PPFIA2: variants seen among roughly 807,000 people sequenced by gnomAD.
PPFIA2 encodes liprin-alpha-2.
A neutral mutation model predicts 175.5 loss-of-function variants in PPFIA2; 46 were observed. The ratio of observed to expected loss-of-function variants is 0.26; its 90% CI spans 0.21 to 0.34. PPFIA2 has a LOEUF of 0.34. Among genes scored for constraint, PPFIA2 ranks in the 10% least tolerant of loss-of-function variants. The pLI is 1.00. For synonymous variants in PPFIA2, 568 were observed against 511.4 expected, an observed-to-expected ratio of 1.11 and a Z score of -1.49; for missense variants, 1,179 against 1,506.1, an observed-to-expected ratio of 0.78 and a Z score of 3.60.
chr12:81,425,854 A>T (rs148045761), intron 7 of PPFIA2, among the ~76,000 whole-genome samples: 1 of 152,184 alleles, frequency 6.6e-6, no homozygotes, highest in Non-Finnish European at 1.5e-5. Flanking sequence ...TCAACATGTT[A>T]TTAATTCATA....
intron 4 of PPFIA2, among the ~76,000 whole-genome samples, chr12:81,498,831 G>A (rs1311589585): frequency 6.6e-6 from 1 of 152,032 alleles, no homozygotes; most frequent in Non-Finnish European, 1.5e-5. Flanking sequence ...CACTATGTTG[G>A]CCAGGCTAGT....
intron 21 of PPFIA2, among the ~76,000 whole-genome samples, chr12:81,335,748 AACAAC>A (rs1260457475): frequency 2.1e-5 from 2 of 94,282 alleles, no homozygotes; most frequent in African/African-American, 1.6e-4. Flanking sequence ...GTCTAAAAAC[AACAAC>A]AACAACAACA....
chr12:81,657,195 G>T (rs1002495437), intron 4 of PPFIA2, among the ~76,000 whole-genome samples: 1 of 152,172 alleles, frequency 6.6e-6, no homozygotes, highest in African/African-American at 2.4e-5. Context: ...CCCTGGGAAG[G>T]TTAATGCTGC....
At chr12:81,364,066 G>A (rs144984445) in intron 14 of PPFIA2, among the ~76,000 whole-genome samples, 71 of 151,886 alleles carry the variant, frequency 4.7e-4, no homozygotes, top group African/African-American at 1.6e-3. Context: ...AGTCATGGAA[G>A]GGTTTTTCAA....
intron 3 of PPFIA2, among the ~76,000 whole-genome samples, chr12:81,680,959 C>A (rs1411787680): frequency 2.6e-5 from 4 of 151,920 alleles, no homozygotes; most frequent in Non-Finnish European, 5.9e-5. Context: ...AATTTTGTGC[C>A]CTAAGCACCT....
At chr12:81,300,521 A>G (rs1179996558) in intron 22 of PPFIA2, among the ~76,000 whole-genome samples, 1 of 152,200 alleles carries the variant, frequency 6.6e-6, no homozygotes, top group Non-Finnish European at 1.5e-5. Flanking sequence ...TAATAGATGC[A>G]ACCAAAAATT....
chr12:81,753,855 AC>A, intron 3 of PPFIA2, 117 bp downstream of exon 3: 2 of 1,299,366 alleles, frequency 1.5e-6, no homozygotes, highest in South Asian at 3.0e-5. Flanking sequence ...AGTTGTTCTC[AC>A]CAAAACGTGT....
chr12:81,660,851 G>A (rs1051881965), intron 4 of PPFIA2, among the ~76,000 whole-genome samples: 1 of 152,112 alleles, frequency 6.6e-6, no homozygotes, highest in Non-Finnish European at 1.5e-5. Flanking sequence ...TGGATCTCTC[G>A]GCAGAAACTC....
chr12:81,420,137 C>T (rs899474881), intron 7 of PPFIA2, among the ~76,000 whole-genome samples: 17 of 152,140 alleles, frequency 1.1e-4, no homozygotes, highest in Admixed American at 1.0e-3. Flanking sequence ...AGAGAAGAAG[C>T]TACCATACCC....
intron 4 of PPFIA2, among the ~76,000 whole-genome samples, chr12:81,558,197 T>C (rs1218892150): frequency 1.3e-5 from 2 of 152,268 alleles, no homozygotes; most frequent in East Asian, 1.9e-4. Flanking sequence ...TTCTGCCTAG[T>C]GTATAAATAA....
chr12:81,603,471 A>T (rs191178715), intron 4 of PPFIA2, among the ~76,000 whole-genome samples: 1 of 151,638 alleles, frequency 6.6e-6, no homozygotes, highest in Non-Finnish European at 1.5e-5. Context: ...ACACAAAAGT[A>T]TGTTTACATT....
chr12:81,634,107 AAG>A (rs1010292523), intron 4 of PPFIA2, among the ~76,000 whole-genome samples: 2 of 152,134 alleles, frequency 1.3e-5, no homozygotes, highest in African/African-American at 4.8e-5. Flanking sequence ...AGATCCAAAT[AAG>A]AGAACTTCTT....
intron 4 of PPFIA2, among the ~76,000 whole-genome samples, chr12:81,517,794 C>T (rs746480565): frequency 6.6e-5 from 10 of 152,128 alleles, no homozygotes; most frequent in African/African-American, 1.2e-4. Flanking sequence ...GATGCAGCCT[C>T]GACTTTAGGA....
chr12:81,740,190 G>C, intron 3 of PPFIA2, among the ~76,000 whole-genome samples: 1 of 152,136 alleles, frequency 6.6e-6, no homozygotes, highest in East Asian at 1.9e-4. Context: ...AATCATATTT[G>C]AGAGAAAATA....
Position 81,563,799 on chromosome 12 carries a change from C to G in PPFIA2, c.304-105933G>C, listed in dbSNP as rs147401006. 6.3e-3 allele frequency among the ~76,000 whole-genome samples: 958 copies of G among 152,318 alleles called. 10 individuals are homozygous for G. The highest frequency in any genetic ancestry group is 0.022 in the African/African-American group (901 of 41,570). ...AAGATATAAAGCCATTATCATGCAG[C>G]AGGCATCATTACAGATGCTAAGTTA... is the stretch of plus-strand genomic sequence containing the variant. On this transcript the variant is annotated intron_variant, in intron 4 of 32. Coordinates refer to ENST00000549396, the MANE Select transcript of PPFIA2 (RefSeq NM_003625.5).
chr12:81,368,175 G>T (rs1244813565), intron 13 of PPFIA2: 2 of 1,285,832 alleles, frequency 1.6e-6, no homozygotes, highest in Non-Finnish European at 2.0e-6. Context: ...AACTATCAAT[G>T]AGACATATAT....
chr12:81,487,215 C>T (rs981561345), intron 4 of PPFIA2, among the ~76,000 whole-genome samples: 1 of 151,784 alleles, frequency 6.6e-6, no homozygotes, highest in East Asian at 1.9e-4. Context: ...AGAAAGGTGA[C>T]CCCTGGAAAG....
intron 3 of PPFIA2, among the ~76,000 whole-genome samples, chr12:81,701,872 T>C (rs1285852247): frequency 6.9e-6 from 1 of 144,464 alleles, no homozygotes; most frequent in African/African-American, 2.5e-5. Flanking sequence ...TTGTCTCATT[T>C]AAATCAACCC....
chr12:81,415,841 T>C (rs946293758), intron 7 of PPFIA2, among the ~76,000 whole-genome samples: 1 of 151,508 alleles, frequency 6.6e-6, no homozygotes, highest in African/African-American at 2.4e-5. Context: ...GTCATTGTTA[T>C]TAACATGTAA....
Sources: gnomAD v4.1 joint callset for allele counts (sites outside exome capture counted in the v4.1 genomes callset) on GRCh38, gnomAD v4.1.1 for gene constraint, MANE v1.5 for transcripts, NCBI Gene and HGNC (gene_info 2026-07-23, HGNC 2026-07-21) for gene names.